Variants in PCSK5 observed in about 807,000 individuals in gnomAD.
PCSK5 encodes prohormone convertase 5.
A neutral mutation model predicts 233.2 loss-of-function variants in PCSK5; 129 were observed. That is an observed-to-expected ratio of 0.55 (90% confidence interval 0.48 to 0.64). PCSK5 has a LOEUF of 0.64. Ranked by LOEUF, PCSK5 falls within the 30% of genes least tolerant of loss-of-function variation. The pLI, the probability that PCSK5 is intolerant of heterozygous loss-of-function variation, is 0.00. For synonymous variants in PCSK5, 825 were observed against 879.2 expected (o/e 0.94, Z 1.09); for missense variants, 2,076 against 2,430.1 (o/e 0.85, Z 3.06).
chr9:76,273,570 TATATAC>T (rs61570966), intron 24 of PCSK5, among the ~76,000 whole-genome samples: 3,575 of 59,406 alleles, frequency 0.06, 240 homozygotes, highest in African/African-American at 0.17. Context: ...TAGTAATATA[TATATAC>T]ATATATATAT....
intron 7 of PCSK5, among the ~76,000 whole-genome samples, chr9:76,094,853 G>A (rs1196069826): frequency 1.3e-5 from 2 of 152,028 alleles, no homozygotes; most frequent in Non-Finnish European, 2.9e-5. Context: ...CAGGTGATCT[G>A]CTCACCTCAG....
intron 10 of PCSK5, among the ~76,000 whole-genome samples, chr9:76,156,315 A>C (rs957311392): frequency 6.6e-6 from 1 of 152,242 alleles, no homozygotes; most frequent in Non-Finnish European, 1.5e-5. Flanking sequence ...GCTTTAGATC[A>C]ATAGGTTTGC....
chr9:76,186,565 C>T (rs999413849), intron 17 of PCSK5, among the ~76,000 whole-genome samples: 1 of 152,134 alleles, frequency 6.6e-6, no homozygotes, highest in Admixed American at 6.6e-5. Flanking sequence ...CCTCGCAGTA[C>T]CTGTATTTTG....
At chr9:76,153,958 C>T (rs1184639059) in intron 10 of PCSK5, among the ~76,000 whole-genome samples, 1 of 152,164 alleles carries the variant, frequency 6.6e-6, no homozygotes, top group Non-Finnish European at 1.5e-5. Flanking sequence ...CCAAAAACGT[C>T]AATGTTTCTC....
chr9:76,097,303 AC>A (rs1831573121), intron 8 of PCSK5, among the ~76,000 whole-genome samples: 1 of 106,406 alleles, frequency 9.4e-6, no homozygotes, highest in South Asian at 3.6e-4. Flanking sequence ...CCCAGGCGGG[AC>A]TGCGGACTGC....
At chr9:76,340,978 G>C (rs1346102997) in intron 35 of PCSK5, among the ~76,000 whole-genome samples, 1 of 151,816 alleles carries the variant, frequency 6.6e-6, no homozygotes, top group African/African-American at 2.4e-5. Context: ...ACTATGGAAG[G>C]CTGAGGTGGG....
At chr9:75,984,631 G>T (rs1208832853) in intron 2 of PCSK5, among the ~76,000 whole-genome samples, 2 of 152,126 alleles carry the variant, frequency 1.3e-5, no homozygotes, top group Non-Finnish European at 2.9e-5. Context: ...TGTCATTCAT[G>T]GAGGTAAAGA....
chr9:75,936,804 A>G (rs2131292621), intron 2 of PCSK5, among the ~76,000 whole-genome samples: 1 of 152,336 alleles, frequency 6.6e-6, no homozygotes, highest in South Asian at 2.1e-4. Flanking sequence ...AGAATGGTGA[A>G]TGCTTTCCAG....
intron 33 of PCSK5, among the ~76,000 whole-genome samples, chr9:76,331,351 A>T (rs879266035): frequency 1.3e-5 from 2 of 152,148 alleles, no homozygotes; most frequent in Non-Finnish European, 2.9e-5. Flanking sequence ...ACCCAATGCC[A>T]TCACAAGGGT....
intron 3 of PCSK5, among the ~76,000 whole-genome samples, chr9:75,995,781 A>ACACACACT (rs1491211865): frequency 1.0e-4 from 15 of 145,458 alleles, no homozygotes; most frequent in East Asian, 2.0e-4. Context: ...ACACACACAC[A>ACACACACT]CTCACACCTC....
intron 21 of PCSK5, among the ~76,000 whole-genome samples, chr9:76,229,845 C>A (rs1826017941): frequency 6.6e-6 from 1 of 152,204 alleles, no homozygotes; most frequent in East Asian, 1.9e-4. Context: ...ACTGCATTCT[C>A]CCTTTCTTTC....
At chr9:75,969,552 C>G (rs1298286624) in intron 2 of PCSK5, among the ~76,000 whole-genome samples, 1 of 152,152 alleles carries the variant, frequency 6.6e-6, no homozygotes, top group Non-Finnish European at 1.5e-5. Context: ...CAGCTTTCTA[C>G]TTTCTTTATA....
At chr9:76,255,174 C>G (rs1826943135) in intron 24 of PCSK5, among the ~76,000 whole-genome samples, 1 of 152,004 alleles carries the variant, frequency 6.6e-6, no homozygotes. Context: ...GTAGTCCCAG[C>G]TACTAGGGAG....
chr9:76,004,099 G>C (rs1827377860), intron 3 of PCSK5, among the ~76,000 whole-genome samples: 1 of 152,080 alleles, frequency 6.6e-6, no homozygotes. Context: ...TGTCCAGCTT[G>C]TGCCATCTCT....
At chr9:76,296,593 C>A in intron 26 of PCSK5, 72 bp from the exon 27 acceptor site, 1 of 958,546 alleles carries the variant, frequency 1.0e-6, no homozygotes, top group Non-Finnish European at 1.6e-6. Flanking sequence ...AAAATTTCCT[C>A]CAGCCTCTTT....
At chr9:76,066,405 T>G (rs1020822149) in intron 5 of PCSK5, among the ~76,000 whole-genome samples, 3 of 152,358 alleles carry the variant, frequency 2.0e-5, no homozygotes, top group African/African-American at 7.2e-5. Flanking sequence ...GTTAACAATT[T>G]GACAACATAC....
chr9:76,180,582 A>C (rs923798513), intron 15 of PCSK5, among the ~76,000 whole-genome samples: 1 of 151,864 alleles, frequency 6.6e-6, no homozygotes, highest in Non-Finnish European at 1.5e-5. Flanking sequence ...ATCAGAGTTC[A>C]TCCTGACCTC....
chr9:75,901,111 G>A (rs1456397948), intron 1 of PCSK5, among the ~76,000 whole-genome samples: 1 of 152,150 alleles, frequency 6.6e-6, no homozygotes, highest in Non-Finnish European at 1.5e-5. Flanking sequence ...GTATAGAGTG[G>A]CCTCAATCTC....
chr9:76,277,796 T>G (rs545632845), intron 24 of PCSK5, among the ~76,000 whole-genome samples: 7 of 152,178 alleles, frequency 4.6e-5, no homozygotes, highest in Non-Finnish European at 1.0e-4. Flanking sequence ...CAATTCTAAG[T>G]GCAAGACCTA....
Sources: allele counts gnomAD v4.1 joint callset (sites outside exome capture counted in the v4.1 genomes callset), GRCh38; gene constraint gnomAD v4.1.1; transcripts MANE v1.5; gene names NCBI Gene and HGNC (gene_info 2026-07-23, HGNC 2026-07-21).